GRM1: variants seen among roughly 807,000 people sequenced by gnomAD.
GRM1 encodes metabotropic glutamate receptor 1.
GRM1 carries 33 observed loss-of-function variants against 90.9 expected under a neutral mutation model. The observed-to-expected ratio is 0.36, with a 90% CI of 0.28 to 0.49. The LOEUF is 0.49. Among genes scored for constraint, GRM1 ranks in the 20% least tolerant of loss-of-function variants. GRM1 has a pLI of 0.99. For missense variants in GRM1, 1,190 were observed against 1,534.3 expected (o/e 0.78, Z 3.75); for synonymous variants, 700 against 613.2 (o/e 1.14, Z -2.09).
intron 2 of GRM1, among the ~76,000 whole-genome samples, chr6:146,284,056 G>C (rs1387884617): frequency 6.6e-6 from 1 of 152,120 alleles, no homozygotes; most frequent in Non-Finnish European, 1.5e-5. Context: ...AATGGGCTTG[G>C]GCCTCTATCT....
chr6:146,142,591 G>A (rs895957424), intron 1 of GRM1, among the ~76,000 whole-genome samples: 10 of 152,078 alleles, frequency 6.6e-5, no homozygotes, highest in South Asian at 4.2e-4. Context: ...CACCAGCTGC[G>A]CTGGCACTCA....
chr6:146,227,076 T>G (rs1780265604), intron 2 of GRM1, among the ~76,000 whole-genome samples: 1 of 152,150 alleles, frequency 6.6e-6, no homozygotes, highest in Non-Finnish European at 1.5e-5. Flanking sequence ...TCACTAAATA[T>G]CTATCATTTA....
intron 2 of GRM1, among the ~76,000 whole-genome samples, chr6:146,260,944 ATC>A (rs1348036346): frequency 6.6e-6 from 1 of 150,834 alleles, no homozygotes; most frequent in Non-Finnish European, 1.5e-5. Flanking sequence ...TATTTTTAGC[ATC>A]TAGATACTGC....
chr6:146,352,275 T>G lies in GRM1; in HGVS notation c.1212T>G (p.Tyr404Ter). ...GCAATGAAAGCTTAGAAGAAAACTA[T>G]GTCCAGGACAGTAAGATGGGGTTTG... ...CTGNESLEEN[Y>*]VQDSKMGFVI... The change falls in exon 4 of 8, where the codon TAT (tyrosine) becomes TAG (stop). Residue 404 changes from tyrosine (Y) to a stop codon, truncating the protein, a stop_gained. Coordinates refer to ENST00000282753, the MANE Select transcript of GRM1 (RefSeq NM_001278064.2). LOFTEE classifies it high-confidence loss of function. 2 of 1,613,788 alleles carry G rather than the reference T, an allele frequency of 1.2e-6. No homozygotes were observed. The highest frequency in any genetic ancestry group is 1.7e-6 in the Non-Finnish European group (2 of 1,179,680).
At chr6:146,051,049 A>G (rs1791505685) in intron 1 of GRM1, among the ~76,000 whole-genome samples, 1 of 152,006 alleles carries the variant, frequency 6.6e-6, no homozygotes, top group Non-Finnish European at 1.5e-5. Flanking sequence ...AAGCAGACAC[A>G]TAATAAAAAG....
intron 2 of GRM1, among the ~76,000 whole-genome samples, chr6:146,202,191 C>T (rs1440021093): frequency 2.0e-5 from 3 of 152,156 alleles, no homozygotes; most frequent in African/African-American, 7.2e-5. Flanking sequence ...ATCAATATAT[C>T]ATGTAGCTAT....
chr6:146,292,058 A>G (rs1783006062), intron 2 of GRM1, among the ~76,000 whole-genome samples: 1 of 152,012 alleles, frequency 6.6e-6, no homozygotes, highest in Admixed American at 6.6e-5. Context: ...CCATGGGAAA[A>G]ATAGTCTCAA....
At chr6:146,362,559 A>G (rs9403774) in intron 5 of GRM1, among the ~76,000 whole-genome samples, 23,529 of 142,334 alleles carry the variant, frequency 0.17, 1,971 homozygotes, top group African/African-American at 0.29. Flanking sequence ...GGCGCCTGTA[A>G]TCACAGCTAC....
intron 1 of GRM1, among the ~76,000 whole-genome samples, chr6:146,133,214 C>T (rs1776475770): frequency 6.6e-6 from 1 of 152,188 alleles, no homozygotes; most frequent in Admixed American, 6.5e-5. Flanking sequence ...GAGATCTAGT[C>T]CTACAACTGA....
At chr6:146,318,832 C>G in intron 3 of GRM1, among the ~76,000 whole-genome samples, 1 of 152,164 alleles carries the variant, frequency 6.6e-6, no homozygotes, top group Non-Finnish European at 1.5e-5. Flanking sequence ...ATCTTTCACC[C>G]ACTTTTTGAT....
intron 1 of GRM1, among the ~76,000 whole-genome samples, chr6:146,157,904 G>C (rs986010801): frequency 6.6e-6 from 1 of 152,156 alleles, no homozygotes; most frequent in Non-Finnish European, 1.5e-5. Context: ...AAGCCAAAAT[G>C]GGGAGTGGGA....
At chr6:146,251,379 C>A (rs1407220518) in intron 2 of GRM1, among the ~76,000 whole-genome samples, 1 of 152,182 alleles carries the variant, frequency 6.6e-6, no homozygotes, top group Non-Finnish European at 1.5e-5. Context: ...CCCCAAGGTC[C>A]TTTTATGTTT....
intron 2 of GRM1, among the ~76,000 whole-genome samples, chr6:146,235,034 C>G (rs1271724164): frequency 6.6e-6 from 1 of 152,150 alleles, no homozygotes; most frequent in East Asian, 1.9e-4. Flanking sequence ...CTGCCCCTGG[C>G]CATTTATCCA....
At chr6:146,214,957 T>A (rs1241504783) in intron 2 of GRM1, among the ~76,000 whole-genome samples, 2 of 152,192 alleles carry the variant, frequency 1.3e-5, no homozygotes, top group African/African-American at 2.4e-5. Context: ...AGAGGGCTTG[T>A]GATCTACCTT....
At chr6:146,086,477 ACTC>A (rs1167713675) in intron 1 of GRM1, among the ~76,000 whole-genome samples, 1 of 151,684 alleles carries the variant, frequency 6.6e-6, no homozygotes, top group Non-Finnish European at 1.5e-5. Context: ...CAGGTAAGTC[ACTC>A]CTCTTATTTT....
intron 1 of GRM1, among the ~76,000 whole-genome samples, chr6:146,158,554 T>A (rs952469321): frequency 6.6e-6 from 1 of 152,116 alleles, no homozygotes; most frequent in Non-Finnish European, 1.5e-5. Flanking sequence ...TGGTATCAGA[T>A]GTATCATCCA....
intron 2 of GRM1, among the ~76,000 whole-genome samples, chr6:146,217,178 G>T (rs1779902048): frequency 6.6e-6 from 1 of 152,172 alleles, no homozygotes; most frequent in Non-Finnish European, 1.5e-5. Context: ...GGTCAGTGAG[G>T]TAGGAGAGGA....
At chr6:146,186,009 T>A (rs555603869) in intron 2 of GRM1, among the ~76,000 whole-genome samples, 1 of 151,794 alleles carries the variant, frequency 6.6e-6, no homozygotes, top group South Asian at 2.1e-4. Context: ...AGTGCAGTGG[T>A]GTGATCCTGG....
At chr6:146,279,336 A>G (rs546205322) in intron 2 of GRM1, among the ~76,000 whole-genome samples, 159 of 152,152 alleles carry the variant, frequency 1.0e-3, no homozygotes, top group African/African-American at 3.5e-3. Flanking sequence ...CTTCTATTAC[A>G]TACTCTCTTT....
Sources: gnomAD v4.1 joint callset for allele counts (sites outside exome capture counted in the v4.1 genomes callset) on GRCh38, gnomAD v4.1.1 for gene constraint, MANE v1.5 for transcripts, NCBI Gene and HGNC (gene_info 2026-07-23, HGNC 2026-07-21) for gene names.